The following LONP2 variants were observed in gnomAD, a reference collection of about 807,000 sequenced individuals.
The protein encoded by LONP2 is lon protease homolog 2, peroxisomal.
Under a neutral mutation model 85.6 loss-of-function variants are expected in LONP2, and 60 were observed. The ratio of observed to expected loss-of-function variants is 0.70; its 90% CI spans 0.57 to 0.87. The LOEUF (loss-of-function observed/expected upper bound fraction) is 0.87. Ranked by LOEUF, LONP2 falls within the 40% of genes least tolerant of loss-of-function variation. The pLI is 0.00. For synonymous variants in LONP2, 395 were observed against 389.7 expected (o/e 1.01, Z -0.16); for missense variants, 860 against 1,063.5 (o/e 0.81, Z 2.66).
downstream of LONP2, among the ~76,000 whole-genome samples, chr16:48,360,279 AG>A (rs1396888646): frequency 1.3e-5 from 2 of 152,212 alleles, no homozygotes; most frequent in African/African-American, 4.8e-5. Context: ...TTTTTTAAAG[AG>A]GTGAAAAGTG....
intron 11 of LONP2, 73 bp from the exon 12 acceptor site, chr16:48,334,143 G>A (rs1959561564): frequency 7.0e-7 from 1 of 1,438,732 alleles, no homozygotes; most frequent in African/African-American, 1.4e-5. Flanking sequence ...GCTTTTGTTT[G>A]ATATTTACTG....
At chr16:48,351,421 C>T (rs1960142018) in intron 14 of LONP2, among the ~76,000 whole-genome samples, 160 bp from the exon 15 acceptor site, 1 of 152,144 alleles carries the variant, frequency 6.6e-6, no homozygotes, top group Non-Finnish European at 1.5e-5. Flanking sequence ...TACTACTTAT[C>T]CTTTTTCCTG....
At chr16:48,350,305 T>C (rs1960101921) in intron 14 of LONP2, among the ~76,000 whole-genome samples, 1 of 145,018 alleles carries the variant, frequency 6.9e-6, no homozygotes, top group Non-Finnish European at 1.5e-5. Context: ...GGAGAATCGC[T>C]TGAACCTGGG....
intron 8 of LONP2, among the ~76,000 whole-genome samples, chr16:48,279,023 G>C (rs1047088874): frequency 3.3e-5 from 5 of 151,840 alleles, no homozygotes; most frequent in Non-Finnish European, 5.9e-5. Context: ...TTCTTTTATA[G>C]TATCCTGTTC....
chr16:48,338,660 C>T (rs957259324), intron 12 of LONP2, among the ~76,000 whole-genome samples: 1 of 152,164 alleles, frequency 6.6e-6, no homozygotes, highest in Non-Finnish European at 1.5e-5. Context: ...GTAATCCCAG[C>T]ACTTTGGGAG....
chr16:48,328,342 G>A (rs1316589380), intron 11 of LONP2, among the ~76,000 whole-genome samples: 4 of 137,600 alleles, frequency 2.9e-5, no homozygotes, highest in South Asian at 2.3e-4. Flanking sequence ...TCAGGAGTTC[G>A]AGACTAGCCT....
chr16:48,357,641 G>A (rs1398182377), downstream of LONP2, among the ~76,000 whole-genome samples: 2 of 152,074 alleles, frequency 1.3e-5, no homozygotes, highest in Non-Finnish European at 2.9e-5. Flanking sequence ...TTCTTAATTT[G>A]GATTACTTAC....
intron 6 of LONP2, 73 bp downstream of exon 6, chr16:48,262,945 A>T: frequency 1.1e-6 from 1 of 944,430 alleles, no homozygotes; most frequent in South Asian, 1.5e-5. Context: ...TTCATTTCAA[A>T]TTTACTCCAC....
At chr16:48,303,961 T>G (rs1351406497) in intron 11 of LONP2, among the ~76,000 whole-genome samples, 1 of 152,192 alleles carries the variant, frequency 6.6e-6, no homozygotes, top group African/African-American at 2.4e-5. Context: ...AGATTGAGGG[T>G]GGGTCTGCCT....
intron 7 of LONP2, among the ~76,000 whole-genome samples, chr16:48,270,816 A>G (rs1972087214): frequency 6.6e-6 from 1 of 152,172 alleles, no homozygotes; most frequent in Non-Finnish European, 1.5e-5. Flanking sequence ...TTCTATAAAA[A>G]AACAATAAAC....
rs895758000 is a variant in LONP2, at chr16:48,353,368, T to A, written c.*1566T>A. On this transcript the variant is annotated 3_prime_UTR_variant, in exon 15 of 15. Coordinates refer to ENST00000285737, the MANE Select transcript of LONP2 (RefSeq NM_031490.5). ...AAAAAATACAAAAATTAGCTGGGCATGGTGGCACCCGCCTGTAGTCCAGCT... is the reference window on the plus strand; with the variant it reads ...AAAAAATACAAAAATTAGCTGGGCAAGGTGGCACCCGCCTGTAGTCCAGCT... 6.6e-6 allele frequency: 1 copy of A among 151,752 alleles called. No individual in the cohort carries two copies. The highest frequency in any genetic ancestry group is 2.4e-5 in the African/African-American group (1 of 41,246). The allele number at this position is 151,752 out of a possible 1,614,324, so 9.4% of individuals were successfully genotyped here.
At chr16:48,313,494 A>G (rs1973078091) in intron 11 of LONP2, among the ~76,000 whole-genome samples, 1 of 151,884 alleles carries the variant, frequency 6.6e-6, no homozygotes, top group Non-Finnish European at 1.5e-5. Context: ...CCCACCCACA[A>G]CAGGCCCCAG....
intron 5 of LONP2, among the ~76,000 whole-genome samples, chr16:48,262,475 G>A (rs776188849): frequency 6.6e-6 from 1 of 152,116 alleles, no homozygotes; most frequent in Non-Finnish European, 1.5e-5. Context: ...TGTTTTGTAA[G>A]TACCTTAAGT....
chr16:48,255,894 A>G lies in LONP2; in HGVS notation c.469-716A>G, dbSNP rs576387725. Among the ~76,000 whole-genome samples, 177 of 152,274 alleles carry G rather than the reference A, an allele frequency of 1.2e-3. 1 individual carries two copies. Among genetic ancestry groups the G allele is most frequent in the Middle Eastern group, 3.4e-3 (1 of 294 alleles). On this transcript the variant is annotated intron_variant, in intron 2 of 14. Transcript: ENST00000285737. Reference sequence around the variant, plus strand: ...AGTCCATTAAACCTCTGTCTTTTATAAATTACCCAGTCTCTGGTATGTCTT... The same window carrying G: ...AGTCCATTAAACCTCTGTCTTTTATGAATTACCCAGTCTCTGGTATGTCTT...
At chr16:48,254,810 G>A (rs770485412) in intron 2 of LONP2, among the ~76,000 whole-genome samples, 2 of 152,028 alleles carry the variant, frequency 1.3e-5, no homozygotes, top group East Asian at 1.9e-4. Flanking sequence ...TTCTCCTTTA[G>A]CCATCCTGTA....
Position 48,258,647 on chromosome 16 carries a change from G to A in LONP2, c.630G>A (p.Arg210=), listed in dbSNP as rs371741330. The A allele has an allele frequency of 2.0e-5, 32 of 1,607,168 alleles. No homozygotes were observed. In the African/African-American group the frequency reaches 4.2e-4, roughly 21 times the overall value. The part of the protein sequence containing the change: ...QILDAVSLEE[R]FKMTIPLLVR... ...TAGATGCTGTGAGCCTAGAGGAGCG[G>A]TTCAAGATGACTATACCACTGCTTG... is the stretch of plus-strand genomic sequence containing the variant. Residue 210 remains arginine (R), a synonymous_variant, in exon 4 of 15, where the codon CGG becomes CGA. Coordinates refer to ENST00000285737, the MANE Select transcript of LONP2 (RefSeq NM_031490.5).
At chr16:48,263,425 A>G (rs747306977) in intron 6 of LONP2, among the ~76,000 whole-genome samples, 7 of 152,158 alleles carry the variant, frequency 4.6e-5, no homozygotes, top group Non-Finnish European at 7.3e-5. Context: ...TTCCACATGC[A>G]TTAAATAGGT....
intron 1 of LONP2, among the ~76,000 whole-genome samples, chr16:48,248,009 A>G (rs1230789635): frequency 1.3e-5 from 2 of 152,192 alleles, no homozygotes; most frequent in Admixed American, 6.5e-5. Flanking sequence ...GTCTTAAAAT[A>G]TAATTAAGGA....
intron 7 of LONP2, among the ~76,000 whole-genome samples, chr16:48,274,770 A>G (rs1447301525): frequency 6.6e-6 from 1 of 152,118 alleles, no homozygotes; most frequent in Admixed American, 6.6e-5. Context: ...CACTGTTAAC[A>G]TTTGTTTTGT....
Sources: gnomAD v4.1 joint callset for allele counts (sites outside exome capture counted in the v4.1 genomes callset) on GRCh38, gnomAD v4.1.1 for gene constraint, MANE v1.5 for transcripts, NCBI Gene and HGNC (gene_info 2026-07-23, HGNC 2026-07-21) for gene names.